The following GCH1 variants were observed in gnomAD, a reference collection of about 807,000 sequenced individuals.
GCH1 encodes the protein GTP cyclohydrolase 1, also known as GTP cyclohydrolase I.
In GCH1, 5 loss-of-function variants were observed where a neutral mutation model predicts 25.9. The observed-to-expected ratio is 0.19, with a 90% CI of 0.10 to 0.41. GCH1 has a LOEUF of 0.41. Among genes scored for constraint, GCH1 ranks in the 10% least tolerant of loss-of-function variants. The pLI is 1.00. For missense variants in GCH1, 261 were observed against 336.5 expected, an observed-to-expected ratio of 0.78 and a Z score of 1.75; for synonymous variants, 159 against 129.6, an observed-to-expected ratio of 1.23 and a Z score of -1.54.
intron 1 of GCH1, among the ~76,000 whole-genome samples, chr14:54,879,818 C>A (rs2040218165): frequency 6.6e-6 from 1 of 151,894 alleles, no homozygotes; most frequent in Non-Finnish European, 1.5e-5. Context: ...AACCCCATCT[C>A]TACTAAAAAT....
intron 1 of GCH1, among the ~76,000 whole-genome samples, chr14:54,891,917 A>T (rs1221064939): frequency 6.6e-6 from 1 of 152,218 alleles, no homozygotes; most frequent in Non-Finnish European, 1.5e-5. Flanking sequence ...ATTTTACTTA[A>T]CAATGGCCCT....
At chr14:54,894,775 C>T (rs1464615870) in intron 1 of GCH1, among the ~76,000 whole-genome samples, 2 of 152,010 alleles carry the variant, frequency 1.3e-5, no homozygotes, top group Non-Finnish European at 2.9e-5. Context: ...CTTCTTTATT[C>T]ACAGTGCTCT....
chr14:54,862,819 T>C (rs1203021231), intron 2 of GCH1, among the ~76,000 whole-genome samples: 1 of 151,964 alleles, frequency 6.6e-6, no homozygotes, highest in Non-Finnish European at 1.5e-5. Flanking sequence ...TCTAATCTAG[T>C]TTATAGGAAA....
rs1412079198 is a variant in GCH1 at position 54,880,618 on chromosome 14, TATATATATACTCC to T, written c.344-15195_344-15183del. Among the ~76,000 whole-genome samples, 31 of 10,400 alleles carry T rather than the reference TATATATATACTCC, an allele frequency of 3.0e-3. 7 individuals carry two copies. The highest frequency in any genetic ancestry group is 0.025 in the East Asian group (5 of 200). 6.8% of individuals were successfully genotyped at this position (10,400 alleles called of 152,430 possible). On this transcript the variant is annotated intron_variant, in intron 1 of 5. Transcript: ENST00000491895. ...ATACTCCATATATATATATACTCCA[TATATATATACTCC>T]ATATATATATACTCCATATATATAT... is the stretch of plus-strand genomic sequence containing the variant.
intron 3 of GCH1, among the ~76,000 whole-genome samples, chr14:54,848,864 G>A (rs975083831): frequency 3.3e-5 from 5 of 152,136 alleles, no homozygotes; most frequent in African/African-American, 1.2e-4. Flanking sequence ...TAGATAGGAG[G>A]TATGTCATAT....
At chr14:54,845,440 T>G (rs1299469978) in intron 5 of GCH1, among the ~76,000 whole-genome samples, 1 of 150,998 alleles carries the variant, frequency 6.6e-6, no homozygotes, top group Non-Finnish European at 1.5e-5. Context: ...ATTGCACCAC[T>G]GCACTCCAGC....
intron 1 of GCH1, among the ~76,000 whole-genome samples, chr14:54,899,842 T>C (rs1408064463): frequency 6.6e-6 from 1 of 151,702 alleles, no homozygotes; most frequent in Admixed American, 6.6e-5. Context: ...CAACTACTAA[T>C]CTTGCAGTGT....
At chr14:54,847,486 G>C (rs1323353343) in intron 3 of GCH1, among the ~76,000 whole-genome samples, 1 of 152,182 alleles carries the variant, frequency 6.6e-6, no homozygotes, top group African/African-American at 2.4e-5. Context: ...GAAAAGGCAA[G>C]AGTGGCCTTG....
At chr14:54,857,461 C>A (rs2039828730) in intron 3 of GCH1, among the ~76,000 whole-genome samples, 1 of 152,176 alleles carries the variant, frequency 6.6e-6, no homozygotes, top group South Asian at 2.1e-4. Context: ...CTAATGTGAT[C>A]TGCCAAGCTT....
Position 54,847,103 on chromosome 14 carries a change from T to C in GCH1, c.537A>G (p.Leu179=), listed in dbSNP as rs752079446. The part of the protein sequence containing the change: ...ARIVEIYSRR[L]QVQERLTKQI... ...ATACAGATTTTTAAAGCTTACCTTG[T>C]AGTCTTCTACTATAGATTTCTACAA... is the stretch of plus-strand genomic sequence containing the variant. Residue 179 remains leucine, a synonymous_variant, in exon 4 of 6, where the codon CTA becomes CTG. Transcript: ENST00000491895. 2.1e-6 allele frequency: 2 copies of C among 973,844 alleles called. No individual in the cohort carries two copies. Among genetic ancestry groups the C allele is most frequent in the Non-Finnish European group, 3.2e-6 (2 of 620,696 alleles). 60.3% of individuals were successfully genotyped at this position (973,844 alleles called of 1,614,324 possible). A position where few individuals can be genotyped will look rare whatever the true frequency, so the allele number is the denominator to read the frequency against.
intron 1 of GCH1, among the ~76,000 whole-genome samples, chr14:54,883,516 A>G (rs1261533463): frequency 6.6e-6 from 1 of 151,986 alleles, no homozygotes; most frequent in East Asian, 1.9e-4. Flanking sequence ...CGTCTCTACT[A>G]AAAATACAAA....
At chr14:54,894,780 T>C (rs2040464000) in intron 1 of GCH1, among the ~76,000 whole-genome samples, 1 of 152,202 alleles carries the variant, frequency 6.6e-6, no homozygotes, top group Non-Finnish European at 1.5e-5. Flanking sequence ...TTATTCACAG[T>C]GCTCTTTCTG....
At chr14:54,863,601 T>C (rs913218978) in intron 2 of GCH1, among the ~76,000 whole-genome samples, 1 of 140,578 alleles carries the variant, frequency 7.1e-6, no homozygotes, top group Non-Finnish European at 1.5e-5. Context: ...GATATAACAA[T>C]GAAAATAAAC....
intron 1 of GCH1, among the ~76,000 whole-genome samples, chr14:54,892,162 T>C (rs903082932): frequency 2.0e-5 from 3 of 152,114 alleles, no homozygotes; most frequent in Non-Finnish European, 4.4e-5. Context: ...CCACAGCACA[T>C]GGTAAGTGCT....
At chr14:54,850,880 G>C (rs1219220855) in intron 3 of GCH1, among the ~76,000 whole-genome samples, 1 of 152,180 alleles carries the variant, frequency 6.6e-6, no homozygotes, top group African/African-American at 2.4e-5. Flanking sequence ...GTCTATCACT[G>C]ATGGACATTT....
At chr14:54,872,016 G>T (rs981971542) in intron 1 of GCH1, among the ~76,000 whole-genome samples, 2 of 151,756 alleles carry the variant, frequency 1.3e-5, no homozygotes, top group African/African-American at 2.4e-5. Context: ...GATACTCCTC[G>T]AGAAGAGCAA....
intron 3 of GCH1, among the ~76,000 whole-genome samples, chr14:54,856,198 C>T (rs981339922): frequency 1.3e-5 from 2 of 152,194 alleles, no homozygotes; most frequent in Non-Finnish European, 1.5e-5. Flanking sequence ...TAGAATTCTG[C>T]TCATCCCTCC....
Position 54,845,182 on chromosome 14 carries a change from T to A in GCH1, c.626+586A>T, listed in dbSNP as rs183509422. 1.9e-3 allele frequency among the ~76,000 whole-genome samples: 285 copies of A among 149,438 alleles called. 4 individuals carry two copies. Among genetic ancestry groups the A allele is most frequent in the Admixed American group, 0.015 (224 of 14,950 alleles). The stretch of plus-strand genomic sequence containing the variant: ...AGCAAGACCCTGTCTTGAGCATTTT[T>A]AAAAAATGGCGATTGAGCTGGGCGC... On this transcript the variant is annotated intron_variant, in intron 5 of 5. Transcript: ENST00000491895.
intron 3 of GCH1, among the ~76,000 whole-genome samples, chr14:54,856,141 GT>G (rs1348451265): frequency 6.6e-6 from 1 of 152,112 alleles, no homozygotes; most frequent in Non-Finnish European, 1.5e-5. Context: ...CCTCTGACTG[GT>G]CTTTGCTCAT....
Sources: allele counts gnomAD v4.1 joint callset (sites outside exome capture counted in the v4.1 genomes callset), GRCh38; gene constraint gnomAD v4.1.1; transcripts MANE v1.5; gene names NCBI Gene and HGNC (gene_info 2026-07-23, HGNC 2026-07-21).